The following ARID1B variants were observed in gnomAD, a reference collection of about 807,000 sequenced individuals.
ARID1B encodes the protein AT-rich interaction domain 1B.
In ARID1B, 30 loss-of-function variants were observed where a neutral mutation model predicts 212.3. That is an observed-to-expected ratio of 0.14 (90% CI 0.11 to 0.19). The LOEUF (loss-of-function observed/expected upper bound fraction) is 0.19. Among genes scored for constraint, ARID1B ranks in the 10% least tolerant of loss-of-function variants. The pLI is 1.00. For missense variants in ARID1B, 2,891 were observed against 3,204.0 expected, an observed-to-expected ratio of 0.90 and a Z score of 2.36; for synonymous variants, 1,402 against 1,301.7, an observed-to-expected ratio of 1.08 and a Z score of -1.66.
chr6:156,792,828 C>T (rs1246439400), intron 1 of ARID1B, among the ~76,000 whole-genome samples: 1 of 152,134 alleles, frequency 6.6e-6, no homozygotes, highest in African/African-American at 2.4e-5. Flanking sequence ...CTGGCTCTTT[C>T]CGTGGGTGTA....
chr6:157,037,248 AT>A (rs1185648528), intron 4 of ARID1B, among the ~76,000 whole-genome samples: 2 of 152,182 alleles, frequency 1.3e-5, no homozygotes, highest in African/African-American at 4.8e-5. Flanking sequence ...TTATTCATTG[AT>A]TTATTAAACG....
At chr6:156,862,539 C>T (rs1364846525) in intron 2 of ARID1B, among the ~76,000 whole-genome samples, 1 of 152,138 alleles carries the variant, frequency 6.6e-6, no homozygotes, top group Non-Finnish European at 1.5e-5. Flanking sequence ...TGGATGTGGG[C>T]CATTCCAAAG....
intron 2 of ARID1B, among the ~76,000 whole-genome samples, chr6:156,886,277 C>G (rs1410112328): frequency 6.6e-6 from 1 of 152,218 alleles, no homozygotes; most frequent in African/African-American, 2.4e-5. Flanking sequence ...ACTGCAACCT[C>G]CGCCTCCTGG....
intron 4 of ARID1B, among the ~76,000 whole-genome samples, chr6:156,980,205 G>A (rs907652855): frequency 2.6e-5 from 4 of 152,090 alleles, no homozygotes; most frequent in Admixed American, 2.0e-4. Context: ...ATTGAAGGTC[G>A]GGCGTGATGG....
intron 8 of ARID1B, among the ~76,000 whole-genome samples, chr6:157,157,296 C>T (rs749370420): frequency 1.3e-5 from 2 of 152,158 alleles, no homozygotes; most frequent in Non-Finnish European, 2.9e-5. Flanking sequence ...ATCGTCACAG[C>T]GAGAACCAGC....
intron 4 of ARID1B, among the ~76,000 whole-genome samples, chr6:157,039,824 C>T (rs1470206947): frequency 4.1e-5 from 5 of 121,642 alleles, no homozygotes; most frequent in Non-Finnish European, 8.2e-5. Flanking sequence ...CTTTTTCTCT[C>T]TTTCTCTCTT....
At chr6:156,937,080 T>A (rs1792302296) in intron 4 of ARID1B, 1 of 151,582 alleles carries the variant, frequency 6.6e-6, no homozygotes, top group Non-Finnish European at 1.5e-5. Context: ...TTAGTAGTGT[T>A]AATGTATTTG....
intron 1 of ARID1B, among the ~76,000 whole-genome samples, chr6:156,782,237 T>G (rs1477237246): frequency 1.3e-5 from 2 of 152,068 alleles, no homozygotes; most frequent in Non-Finnish European, 2.9e-5. Context: ...AATCACATTG[T>G]TAAATGATGA....
chr6:156,986,639 T>A (rs1304256413), intron 4 of ARID1B, among the ~76,000 whole-genome samples: 1 of 152,338 alleles, frequency 6.6e-6, no homozygotes, highest in Middle Eastern at 3.4e-3. Context: ...CGGCTCATAG[T>A]AATTACTCAG....
intron 3 of ARID1B, among the ~76,000 whole-genome samples, chr6:156,922,309 G>A (rs544606909): frequency 3.5e-4 from 53 of 151,964 alleles, no homozygotes; most frequent in South Asian, 1.9e-3. Flanking sequence ...AGTAGCTGGG[G>A]TTACAGGTGC....
chr6:157,167,062 A>C lies in ARID1B; in HGVS notation c.3112A>C (p.Asn1038His). 6.2e-7 allele frequency: 1 copy of C among 1,612,350 alleles called. No individual in the cohort carries two copies. Among genetic ancestry groups the C allele is most frequent in the Non-Finnish European group, 8.5e-7 (1 of 1,180,022 alleles). ...QSRQGSFPGM[N>H]QSGLMASSSP... ...TAGGCAAGGCAGTTTCCCCGGCATG[A>C]ACCAGAGTGGACTTATGGCTTCCAG... The change falls in exon 9 of 20, where the codon AAC becomes CAC. Residue 1038 changes from asparagine to histidine, a missense_variant. Physicochemically the swap from Asn to His is moderately conservative, Grantham distance 68 (BLOSUM62 1). Transcript: ENST00000636930.
chr6:157,011,195 C>T (rs1157312442), intron 4 of ARID1B, among the ~76,000 whole-genome samples: 1 of 152,070 alleles, frequency 6.6e-6, no homozygotes, highest in Non-Finnish European at 1.5e-5. Flanking sequence ...TCAAGGATTT[C>T]CATATTGTCA....
chr6:156,839,440 CAT>C (rs1401863068), intron 2 of ARID1B, among the ~76,000 whole-genome samples: 1 of 152,158 alleles, frequency 6.6e-6, no homozygotes, highest in Non-Finnish European at 1.5e-5. Context: ...CTCCAGTCAA[CAT>C]ATGAATTTGG....
chr6:156,943,420 G>C (rs1792824461), intron 4 of ARID1B: 1 of 151,362 alleles, frequency 6.6e-6, no homozygotes, highest in Non-Finnish European at 1.5e-5. Flanking sequence ...GGAGAAAAAA[G>C]CTGTAAGCCA....
chr6:156,992,909 A>G (rs1778353104), intron 4 of ARID1B, among the ~76,000 whole-genome samples: 1 of 152,234 alleles, frequency 6.6e-6, no homozygotes, highest in African/African-American at 2.4e-5. Flanking sequence ...GAAAGAAATC[A>G]ACTGTGATTT....
chr6:157,162,995 G>A (rs1335790181), intron 8 of ARID1B, among the ~76,000 whole-genome samples: 1 of 152,212 alleles, frequency 6.6e-6, no homozygotes, highest in Non-Finnish European at 1.5e-5. Context: ...CTGGGGGGAG[G>A]CTTTGCTTTT....
At chr6:157,028,724 T>C (rs1362317602) in intron 4 of ARID1B, among the ~76,000 whole-genome samples, 3 of 152,204 alleles carry the variant, frequency 2.0e-5, no homozygotes, top group Non-Finnish European at 4.4e-5. Context: ...ACTATTCCAC[T>C]GTCTCAAGAA....
chr6:157,136,954 G>A (rs367611459), intron 7 of ARID1B, among the ~76,000 whole-genome samples: 23 of 152,044 alleles, frequency 1.5e-4, no homozygotes, highest in East Asian at 9.6e-4. Context: ...GAGGCAGGCC[G>A]ATCGCTTGAG....
At chr6:157,150,869 C>A (rs1376318633) in intron 8 of ARID1B, 1 of 178,834 alleles carries the variant, frequency 5.6e-6, no homozygotes, top group Non-Finnish European at 1.2e-5. Flanking sequence ...TAGCAACACA[C>A]CCCGACTTGC....
Sources: allele counts gnomAD v4.1 joint callset (sites outside exome capture counted in the v4.1 genomes callset), GRCh38; gene constraint gnomAD v4.1.1; transcripts MANE v1.5; gene names NCBI Gene and HGNC (gene_info 2026-07-23, HGNC 2026-07-21).